ATG16L1: variants seen among roughly 807,000 people sequenced by gnomAD.
ATG16L1 encodes autophagy-related protein 16-1.
Under a neutral mutation model 88.5 loss-of-function variants are expected in ATG16L1, and 37 were observed. That is an observed-to-expected ratio of 0.42 (90% confidence interval 0.32 to 0.55). ATG16L1 has a LOEUF of 0.55. ATG16L1 is among the 20% of genes least tolerant of loss of function. ATG16L1 has a pLI of 0.13. For missense variants in ATG16L1, 554 were observed against 752.8 expected (o/e 0.74, Z 3.09); for synonymous variants, 301 against 281.0 (o/e 1.07, Z -0.71).
chr2:233,263,056 G>A, intron 2 of ATG16L1, 74 bp from the exon 3 acceptor site: 2 of 1,278,396 alleles, frequency 1.6e-6, no homozygotes, highest in Non-Finnish European at 2.2e-6. Flanking sequence ...TGCCTAATTG[G>A]AAAGGTTTGG....
chr2:233,258,719 C>T (rs985294168), intron 2 of ATG16L1, among the ~76,000 whole-genome samples: 4 of 152,110 alleles, frequency 2.6e-5, no homozygotes, highest in African/African-American at 7.2e-5. Flanking sequence ...TTTTTTGAGG[C>T]AGGGTCTCTC....
chr2:233,256,784 C>G (rs1255226866), intron 2 of ATG16L1, among the ~76,000 whole-genome samples: 1 of 151,866 alleles, frequency 6.6e-6, no homozygotes, highest in Non-Finnish European at 1.5e-5. Flanking sequence ...AACCTGCAAC[C>G]TCTACCTCCT....
At chr2:233,256,007 G>C (rs893298787) in intron 1 of ATG16L1, 95 bp from the exon 2 acceptor site, 6 of 945,458 alleles carry the variant, frequency 6.3e-6, no homozygotes, top group Non-Finnish European at 1.0e-5. Context: ...GTATGTTCCT[G>C]TATTGCATCC....
Position 233,294,480 on chromosome 2 carries a change from C to T in ATG16L1, c.*130C>T, listed in dbSNP as rs567507974. The T allele has an allele frequency of 1.5e-5, 9 of 609,986 alleles. No individual in the cohort carries two copies. The African/African-American group carries it at 1.7e-4, about 12-fold the overall frequency. The allele number at this position is 609,986 out of a possible 1,614,324, so 37.8% of individuals were successfully genotyped here. A position where few individuals can be genotyped will look rare whatever the true frequency, so the allele number is the denominator to read the frequency against. On this transcript the variant is annotated 3_prime_UTR_variant, in exon 18 of 18. Transcript: ENST00000392017. Reference sequence around the variant, plus strand: ...TCCCAGAGAAGCTCAAGCTATGTGGCACTGTAGCTTTGCCGTGAATGGGAT... The same window carrying T: ...TCCCAGAGAAGCTCAAGCTATGTGGTACTGTAGCTTTGCCGTGAATGGGAT...
At chr2:233,290,468 G>A (rs868610506) in intron 14 of ATG16L1, 115 bp downstream of exon 14, 17 of 818,746 alleles carry the variant, frequency 2.1e-5, no homozygotes, top group Middle Eastern at 2.5e-4. Context: ...TTCGGTACAC[G>A]TATAGTGTTA....
Position 233,267,217 on chromosome 2 carries a change from C to T in ATG16L1, c.641+2074C>T, listed in dbSNP as rs565149264. Among the ~76,000 whole-genome samples, 12 of 152,194 alleles carry T rather than the reference C, an allele frequency of 7.9e-5. No homozygotes were observed. In the South Asian group the frequency reaches 8.3e-4, roughly 11 times the overall value. ...TACGAAAATTAGCCGGGTGTGGTAGCGGATGCCTGTAATCCCAGCTACTCA... is the reference window on the plus strand; with the variant it reads ...TACGAAAATTAGCCGGGTGTGGTAGTGGATGCCTGTAATCCCAGCTACTCA... On this transcript the variant is annotated intron_variant, in intron 5 of 17. Transcript: ENST00000392017.
At chr2:233,293,146 G>A in intron 16 of ATG16L1, 110 bp from the exon 17 acceptor site, 1 of 918,986 alleles carries the variant, frequency 1.1e-6, no homozygotes, top group East Asian at 2.5e-5. Flanking sequence ...TGGGTACACA[G>A]GAGTGGTCAT....
At chr2:233,252,584 C>CA (rs985507994) in intron 1 of ATG16L1, among the ~76,000 whole-genome samples, 4 of 152,084 alleles carry the variant, frequency 2.6e-5, no homozygotes, top group African/African-American at 9.7e-5. Context: ...AACGAGGTCT[C>CA]ACTGTGTTTC....
At chr2:233,272,506 CTG>C (rs1238425254) in intron 6 of ATG16L1, among the ~76,000 whole-genome samples, 1 of 152,174 alleles carries the variant, frequency 6.6e-6, no homozygotes, top group Non-Finnish European at 1.5e-5. Context: ...TCTCCCTACA[CTG>C]TTGTTTTATA....
chr2:233,265,358 G>A (rs1351556018), intron 5 of ATG16L1, among the ~76,000 whole-genome samples: 1 of 152,210 alleles, frequency 6.6e-6, no homozygotes, highest in Non-Finnish European at 1.5e-5. Flanking sequence ...CCATAATTTT[G>A]TGAAGCTTTT....
intron 1 of ATG16L1, 61 bp downstream of exon 1, chr2:233,252,003 C>A: frequency 6.4e-6 from 9 of 1,395,354 alleles, no homozygotes; most frequent in Non-Finnish European, 8.5e-6. Context: ...GCATGCGGGG[C>A]GTCAGCGGGA....
intron 3 of ATG16L1, 31 bp downstream of exon 3, chr2:233,263,266 C>G: frequency 6.3e-7 from 1 of 1,592,396 alleles, no homozygotes; most frequent in Non-Finnish European, 8.6e-7. Flanking sequence ...CATCTGTCTT[C>G]TGCCCTCTAT....
intron 3 of ATG16L1, among the ~76,000 whole-genome samples, chr2:233,263,691 G>A (rs1327436983): frequency 6.6e-6 from 1 of 152,192 alleles, no homozygotes; most frequent in Non-Finnish European, 1.5e-5. Context: ...CATCAGTACA[G>A]CTGAATTGAT....
At chr2:233,270,094 T>C (rs773414200) in intron 6 of ATG16L1, 27 bp downstream of exon 6, 1 of 1,542,658 alleles carries the variant, frequency 6.5e-7, no homozygotes, top group South Asian at 1.3e-5. Flanking sequence ...GAATCAAAAC[T>C]GTGTTTCTGA....
At chr2:233,273,957 T>A (rs1447543242) in intron 8 of ATG16L1, 180 bp downstream of exon 8, 1 of 1,549,040 alleles carries the variant, frequency 6.5e-7, no homozygotes, top group South Asian at 1.2e-5. Context: ...CCTCTTAATC[T>A]CGCTGCGTGC....
chr2:233,294,545 A>G lies in ATG16L1; in HGVS notation c.*195A>G. 2.2e-6 allele frequency: 1 copy of G among 462,736 alleles called. No homozygotes were observed. Among genetic ancestry groups the G allele is most frequent in the South Asian group, 3.4e-5 (1 of 29,254 alleles). The allele number at this position is 462,736 out of a possible 1,614,324, so 28.7% of individuals were successfully genotyped here. ...CTGAGGTCTCTCTTGGCCTGGAAGA[A>G]TAACACTGAAAAAACCTGACGCTGC... On this transcript the variant is annotated 3_prime_UTR_variant, in exon 18 of 18. Transcript: ENST00000392017.
At chr2:233,293,582 G>A (rs1157967322) in intron 17 of ATG16L1, among the ~76,000 whole-genome samples, 3 of 151,594 alleles carry the variant, frequency 2.0e-5, no homozygotes, top group Non-Finnish European at 2.9e-5. Flanking sequence ...AGTGGCAGCC[G>A]CTGGAGAAAG....
chr2:233,291,711 GA>G (rs1699475791), intron 14 of ATG16L1, among the ~76,000 whole-genome samples: 1 of 152,224 alleles, frequency 6.6e-6, no homozygotes, highest in Non-Finnish European at 1.5e-5. Flanking sequence ...GAATAGGGCA[GA>G]AAACCTGCAA....
chr2:233,257,676 G>A (rs11685932), intron 2 of ATG16L1, among the ~76,000 whole-genome samples: 90,087 of 152,034 alleles, frequency 0.59, 27,093 homozygotes, highest in Non-Finnish European at 0.66. Flanking sequence ...GCAGATTGCA[G>A]TAAGCTCTTA....
Sources: allele counts gnomAD v4.1 joint callset (sites outside exome capture counted in the v4.1 genomes callset), GRCh38; gene constraint gnomAD v4.1.1; transcripts MANE v1.5; gene names NCBI Gene and HGNC (gene_info 2026-07-23, HGNC 2026-07-21).